PPP6R3: variants seen among roughly 807,000 people sequenced by gnomAD.
PPP6R3 encodes protein phosphatase 6 regulatory subunit 3.
In PPP6R3, 38 loss-of-function variants were observed where a neutral mutation model predicts 110.7. The ratio of observed to expected loss-of-function variants is 0.34; its 90% CI spans 0.26 to 0.45. The LOEUF is 0.45. PPP6R3 is among the 20% of genes least tolerant of loss of function. PPP6R3 has a pLI of 1.00. For missense variants in PPP6R3, 870 were observed against 1,062.4 expected (o/e 0.82, Z 2.52); for synonymous variants, 369 against 373.5 (o/e 0.99, Z 0.14).
chr11:68,500,756 G>T (rs549703687), intron 1 of PPP6R3, among the ~76,000 whole-genome samples: 89 of 152,332 alleles, frequency 5.8e-4, no homozygotes, highest in Non-Finnish European at 9.7e-4. Flanking sequence ...GATTACAGGC[G>T]TGAGCCACTG....
At chr11:68,547,453 G>GC (rs902409847) in intron 4 of PPP6R3, among the ~76,000 whole-genome samples, 77 of 152,318 alleles carry the variant, frequency 5.1e-4, no homozygotes, top group African/African-American at 1.6e-3. Context: ...GAGACCAGCA[G>GC]CAGGGGCCTG....
At chr11:68,533,013 G>A (rs2099249527) in intron 2 of PPP6R3, among the ~76,000 whole-genome samples, 1 of 151,984 alleles carries the variant, frequency 6.6e-6, no homozygotes, top group African/African-American at 2.4e-5. Context: ...AATTTTAAAG[G>A]ATAGTTATGT....
At chr11:68,587,707 T>C in intron 15 of PPP6R3, 1 of 611,622 alleles carries the variant, frequency 1.6e-6, no homozygotes. Flanking sequence ...TTTCTTACAG[T>C]GACATGTGCA....
intron 14 of PPP6R3, among the ~76,000 whole-genome samples, chr11:68,581,977 G>A (rs142187385): frequency 3.2e-4 from 49 of 152,320 alleles, no homozygotes; most frequent in African/African-American, 1.2e-3. Context: ...TGTTCAGGCA[G>A]TGATTTGCTC....
chr11:68,514,508 T>C (rs2099126378), intron 1 of PPP6R3, among the ~76,000 whole-genome samples: 2 of 152,236 alleles, frequency 1.3e-5, no homozygotes, highest in Admixed American at 1.3e-4. Context: ...AAAATATGCA[T>C]GTGATTATTG....
At chr11:68,552,336 CCT>C (rs1338154708) in intron 6 of PPP6R3, among the ~76,000 whole-genome samples, 7 of 152,162 alleles carry the variant, frequency 4.6e-5, no homozygotes, top group Non-Finnish European at 1.0e-4. Context: ...AATGGAGGCT[CCT>C]CTCTCTCACA....
intron 1 of PPP6R3, among the ~76,000 whole-genome samples, chr11:68,473,622 T>A (rs899749853): frequency 1.3e-5 from 2 of 152,312 alleles, no homozygotes; most frequent in South Asian, 2.1e-4. Flanking sequence ...GGCAGTCTTG[T>A]GGGACTGAGT....
chr11:68,585,558 A>G (rs2099575563), intron 15 of PPP6R3, among the ~76,000 whole-genome samples: 1 of 152,212 alleles, frequency 6.6e-6, no homozygotes, highest in African/African-American at 2.4e-5. Context: ...TCAGAGTTCA[A>G]AGCACTTTTT....
At chr11:68,595,296 G>A (rs967336805) in intron 18 of PPP6R3, among the ~76,000 whole-genome samples, 1 of 135,490 alleles carries the variant, frequency 7.4e-6, no homozygotes, top group Non-Finnish European at 1.5e-5. Flanking sequence ...GCTCACTGCA[G>A]CCTCTGCCTC....
chr11:68,546,381 T>C (rs1223752771), intron 4 of PPP6R3, among the ~76,000 whole-genome samples: 1 of 152,206 alleles, frequency 6.6e-6, no homozygotes, highest in Non-Finnish European at 1.5e-5. Context: ...TTCTGTGCTG[T>C]TGGAATCCAA....
At chr11:68,580,746 C>CTTT (rs71043441) in intron 14 of PPP6R3, among the ~76,000 whole-genome samples, 11 of 67,474 alleles carry the variant, frequency 1.6e-4, no homozygotes, top group Admixed American at 2.4e-4. Context: ...GGTAAATAAT[C>CTTT]TTTTTTTTTT....
intron 1 of PPP6R3, among the ~76,000 whole-genome samples, chr11:68,475,150 A>G (rs1016481391): frequency 6.6e-6 from 1 of 152,156 alleles, no homozygotes; most frequent in Non-Finnish European, 1.5e-5. Context: ...GTATCTGTTT[A>G]ACAAAGCACA....
chr11:68,481,564 C>G (rs137876167), intron 1 of PPP6R3, among the ~76,000 whole-genome samples: 1 of 152,244 alleles, frequency 6.6e-6, no homozygotes, highest in African/African-American at 2.4e-5. Flanking sequence ...TTAGAGAGAG[C>G]GAGCTGGTTT....
intron 1 of PPP6R3, among the ~76,000 whole-genome samples, chr11:68,502,267 T>C (rs1287993551): frequency 2.0e-5 from 3 of 152,234 alleles, no homozygotes; most frequent in East Asian, 1.9e-4. Context: ...ATATAATCAG[T>C]AGGAAAATTG....
intron 18 of PPP6R3, among the ~76,000 whole-genome samples, chr11:68,595,878 A>G (rs1252995756): frequency 3.3e-5 from 5 of 152,232 alleles, no homozygotes; most frequent in Non-Finnish European, 7.3e-5. Context: ...CACTTTAAGC[A>G]GAGCCCATGT....
chr11:68,535,833 G>T (rs529099623), intron 2 of PPP6R3, among the ~76,000 whole-genome samples: 1 of 150,984 alleles, frequency 6.6e-6, no homozygotes, highest in African/African-American at 2.4e-5. Flanking sequence ...TCAGCCGGGT[G>T]TGATGGCATG....
intron 18 of PPP6R3, among the ~76,000 whole-genome samples, chr11:68,592,113 A>T (rs1394101665): frequency 2.0e-5 from 3 of 152,194 alleles, no homozygotes; most frequent in Admixed American, 6.5e-5. Context: ...TTTGGGGAAG[A>T]TAGGGCCATG....
intron 1 of PPP6R3, among the ~76,000 whole-genome samples, chr11:68,513,017 G>C (rs1012031916): frequency 1.3e-5 from 2 of 152,156 alleles, no homozygotes; most frequent in African/African-American, 4.8e-5. Context: ...CCTTGGATGT[G>C]AGAAATCCAG....
chr11:68,551,238 CTG>C lies in PPP6R3; in HGVS notation c.618+54_618+55del, dbSNP rs775572490. On this transcript the variant is annotated intron_variant, in intron 6 of 23. Coordinates refer to ENST00000393800, the MANE Select transcript of PPP6R3 (RefSeq NM_001164161.2). ...TTGATTAGAAAAAAAAAACAAAAAA[CTG>C]TTTATTGGGCACAGAGCATACTTAT... 61 of 1,371,024 alleles carry C rather than the reference CTG, an allele frequency of 4.4e-5. No individual in the cohort carries two copies. In the East Asian group the frequency reaches 1.1e-3, roughly 25 times the overall value. 84.9% of individuals were successfully genotyped at this position (1,371,024 alleles called of 1,614,324 possible).
Sources: gnomAD v4.1 joint callset for allele counts (sites outside exome capture counted in the v4.1 genomes callset) on GRCh38, gnomAD v4.1.1 for gene constraint, MANE v1.5 for transcripts, NCBI Gene and HGNC (gene_info 2026-07-23, HGNC 2026-07-21) for gene names.